SPATA17: variants seen among roughly 807,000 people sequenced by gnomAD.
SPATA17 encodes the protein spermatogenesis associated 17.
A neutral mutation model predicts 62.2 loss-of-function variants in SPATA17; 53 were observed. The ratio of observed to expected loss-of-function variants is 0.85; its 90% CI spans 0.68 to 1.07. SPATA17 has a LOEUF of 1.07. SPATA17 is among the 50% of genes least tolerant of loss of function. The pLI is 0.00. For missense variants in SPATA17, 466 were observed against 425.5 expected, an observed-to-expected ratio of 1.10 and a Z score of -0.84; for synonymous variants, 146 against 146.8, an observed-to-expected ratio of 0.99 and a Z score of 0.04.
At chr1:217,739,009 T>C (rs964328215) in intron 5 of SPATA17, among the ~76,000 whole-genome samples, 1 of 152,160 alleles carries the variant, frequency 6.6e-6, no homozygotes, top group Non-Finnish European at 1.5e-5. Context: ...CACTCCACTA[T>C]ATTGTGGCTA....
At chr1:217,811,547 G>C (rs1848838) in intron 9 of SPATA17, among the ~76,000 whole-genome samples, 8 of 151,584 alleles carry the variant, frequency 5.3e-5, no homozygotes, top group African/African-American at 1.9e-4. Flanking sequence ...ACAAAAATTA[G>C]CTGGGCATGG....
At chr1:217,719,317 T>G (rs1672072907) in intron 5 of SPATA17, among the ~76,000 whole-genome samples, 1 of 152,236 alleles carries the variant, frequency 6.6e-6, no homozygotes, top group Non-Finnish European at 1.5e-5. Context: ...TTTTCTATTT[T>G]TCCTAATGTG....
chr1:217,806,974 C>G (rs904763128), intron 9 of SPATA17, among the ~76,000 whole-genome samples: 3 of 151,924 alleles, frequency 2.0e-5, no homozygotes, highest in Non-Finnish European at 2.9e-5. Context: ...ATAATGTATA[C>G]TTGTATACAA....
intron 4 of SPATA17, among the ~76,000 whole-genome samples, chr1:217,681,116 A>G (rs1479605630): frequency 6.6e-6 from 1 of 150,556 alleles, no homozygotes; most frequent in Non-Finnish European, 1.5e-5. Flanking sequence ...TATCCCAGCT[A>G]CTCATGAAGC....
chr1:217,857,869 T>A (rs746800303), intron 9 of SPATA17, among the ~76,000 whole-genome samples: 1 of 152,190 alleles, frequency 6.6e-6, no homozygotes, highest in Non-Finnish European at 1.5e-5. Context: ...AAGCGGTCAG[T>A]CCTTGTTTAT....
chr1:217,759,277 G>A (rs1352240224), intron 6 of SPATA17, among the ~76,000 whole-genome samples: 4 of 152,062 alleles, frequency 2.6e-5, no homozygotes, highest in African/African-American at 9.7e-5. Flanking sequence ...TGGCCAACTT[G>A]GCAAAACCCC....
intron 5 of SPATA17, chr1:217,737,889 G>A (rs184824104): frequency 2.1e-4 from 32 of 151,582 alleles, no homozygotes; most frequent in Middle Eastern, 6.6e-3. Context: ...GCAGTGGTGC[G>A]ATCCGGCTCA....
chr1:217,658,012 A>G (rs1375843743), intron 3 of SPATA17, among the ~76,000 whole-genome samples: 3 of 152,188 alleles, frequency 2.0e-5, no homozygotes, highest in African/African-American at 7.2e-5. Flanking sequence ...CTTGTTCCCT[A>G]TCTATGAGGA....
At chr1:217,849,803 A>T (rs1296658628) in intron 9 of SPATA17, among the ~76,000 whole-genome samples, 3 of 152,068 alleles carry the variant, frequency 2.0e-5, no homozygotes, top group African/African-American at 7.2e-5. Context: ...AGAGTGTTTT[A>T]TATGTAGGCT....
At chr1:217,768,613 T>C (rs1385730903) in intron 6 of SPATA17, among the ~76,000 whole-genome samples, 1 of 151,626 alleles carries the variant, frequency 6.6e-6, no homozygotes, top group Admixed American at 6.6e-5. Context: ...TGCCTCAGCC[T>C]CCTGAGTAGC....
At chr1:217,743,248 T>A (rs574884706) in intron 6 of SPATA17, among the ~76,000 whole-genome samples, 1 of 151,962 alleles carries the variant, frequency 6.6e-6, no homozygotes, top group Non-Finnish European at 1.5e-5. Flanking sequence ...AAAGATACTT[T>A]TAAAAATTAA....
intron 4 of SPATA17, among the ~76,000 whole-genome samples, chr1:217,670,270 A>G (rs1183611022): frequency 6.6e-6 from 1 of 152,264 alleles, no homozygotes; most frequent in East Asian, 1.9e-4. Flanking sequence ...CTGAGAACCT[A>G]AAGCAGTTAA....
intron 9 of SPATA17, among the ~76,000 whole-genome samples, chr1:217,858,503 A>C (rs1170557126): frequency 6.6e-6 from 1 of 152,236 alleles, no homozygotes; most frequent in African/African-American, 2.4e-5. Flanking sequence ...TTTCTAGAAC[A>C]AATTACAGAA....
At chr1:217,800,742 A>G (rs954596414) in intron 8 of SPATA17, among the ~76,000 whole-genome samples, 3 of 152,070 alleles carry the variant, frequency 2.0e-5, no homozygotes, top group African/African-American at 7.2e-5. Flanking sequence ...CTTTTGTGTC[A>G]TTTATGAATT....
intron 9 of SPATA17, among the ~76,000 whole-genome samples, chr1:217,851,260 C>T (rs934947505): frequency 3.3e-5 from 5 of 151,816 alleles, no homozygotes; most frequent in South Asian, 2.1e-4. Context: ...ATTGATATAT[C>T]CTATAATTAC....
chr1:217,736,534 C>T (rs1571768571), intron 5 of SPATA17, among the ~76,000 whole-genome samples: 1 of 149,920 alleles, frequency 6.7e-6, no homozygotes, highest in Non-Finnish European at 1.5e-5. Context: ...AGGAAATCCA[C>T]ATCAGAAAGT....
intron 5 of SPATA17, among the ~76,000 whole-genome samples, chr1:217,688,488 A>T (rs1230912441): frequency 6.6e-6 from 1 of 152,148 alleles, no homozygotes. Flanking sequence ...CTCTGCTTCA[A>T]ATCCATCCAA....
chr1:217,680,665 G>A (rs147356906), intron 4 of SPATA17, among the ~76,000 whole-genome samples: 3 of 151,736 alleles, frequency 2.0e-5, no homozygotes, highest in Admixed American at 2.0e-4. Flanking sequence ...TGGCTCACAC[G>A]TGTAATCCCA....
intron 9 of SPATA17, chr1:217,850,429 A>G: frequency 1.5e-6 from 2 of 1,298,376 alleles, no homozygotes; most frequent in East Asian, 2.4e-5. Flanking sequence ...ACGCTGGACC[A>G]GGTACAGGGT....
Sources: allele counts gnomAD v4.1 joint callset (sites outside exome capture counted in the v4.1 genomes callset), GRCh38; gene constraint gnomAD v4.1.1; transcripts MANE v1.5; gene names NCBI Gene and HGNC (gene_info 2026-07-23, HGNC 2026-07-21).